Variants in WNK1 observed in about 807,000 individuals in gnomAD.
WNK1 encodes the protein WNK lysine deficient protein kinase 1, also known as serine/threonine-protein kinase WNK1.
In WNK1, 38 loss-of-function variants were observed where a neutral mutation model predicts 222.8. The ratio of observed to expected loss-of-function variants is 0.17; its 90% CI spans 0.13 to 0.22. The LOEUF (loss-of-function observed/expected upper bound fraction) is 0.22. Ranked by LOEUF, WNK1 falls within the 10% of genes least tolerant of loss-of-function variation. The pLI is 1.00. For synonymous variants in WNK1, 1,090 were observed against 1,092.9 expected (o/e 1.00, Z 0.05); for missense variants, 2,348 against 2,918.4 (o/e 0.80, Z 4.50).
chr12:847,656 A>C (rs1470743416), intron 4 of WNK1, among the ~76,000 whole-genome samples: 1 of 152,044 alleles, frequency 6.6e-6, no homozygotes, highest in Non-Finnish European at 1.5e-5. Context: ...TTTACCATTG[A>C]TTCGGCCCGT....
At chr12:776,733 A>C (rs1238105495) in intron 1 of WNK1, among the ~76,000 whole-genome samples, 1 of 152,072 alleles carries the variant, frequency 6.6e-6, no homozygotes, top group African/African-American at 2.4e-5. Context: ...CCTGGCCCAG[A>C]TCTTAATGTG....
chr12:767,551 G>A (rs937964263), intron 1 of WNK1, among the ~76,000 whole-genome samples: 1 of 151,834 alleles, frequency 6.6e-6, no homozygotes, highest in Admixed American at 6.6e-5. Context: ...ACGCCTGGCC[G>A]GGTTGATAGG....
chr12:830,231 A>G, intron 4 of WNK1, 71 bp downstream of exon 4: 1 of 1,546,926 alleles, frequency 6.5e-7, no homozygotes, highest in South Asian at 1.1e-5. Context: ...GGATGACATC[A>G]AACCATGTAA....
chr12:883,142 A>G (rs1166385774), intron 15 of WNK1, 83 bp downstream of exon 15: 1 of 1,100,718 alleles, frequency 9.1e-7, no homozygotes, highest in Non-Finnish European at 1.4e-6. Context: ...GCCATATTTT[A>G]TAATCCATGT....
intron 4 of WNK1, among the ~76,000 whole-genome samples, chr12:845,263 G>T (rs1309109164): frequency 2.0e-5 from 3 of 152,118 alleles, no homozygotes; most frequent in Non-Finnish European, 4.4e-5. Context: ...TTTAAAATAT[G>T]TTAGTGTCTG....
intron 3 of WNK1, among the ~76,000 whole-genome samples, chr12:829,752 A>C (rs954137534): frequency 3.9e-5 from 6 of 152,240 alleles, no homozygotes; most frequent in Non-Finnish European, 7.3e-5. Flanking sequence ...CATTTTACAC[A>C]GTAAATCAAT....
chr12:904,114 G>C (rs1332878868), intron 26 of WNK1, among the ~76,000 whole-genome samples: 3 of 152,250 alleles, frequency 2.0e-5, no homozygotes, highest in East Asian at 1.9e-4. Flanking sequence ...ACGCTGCTTG[G>C]GTATTTGAAA....
rs1006956925 is a variant in WNK1, at chr12:845,056, C to T, written c.1312-12105C>T. Reference sequence around the variant, plus strand: ...GACTACAGGCGCCCGCCACTACGCCCGGCTAATTTTTTGTATTTTTAGTAG... The same window carrying T: ...GACTACAGGCGCCCGCCACTACGCCTGGCTAATTTTTTGTATTTTTAGTAG... On this transcript the variant is annotated intron_variant, in intron 4 of 27. Coordinates refer to ENST00000315939, the MANE Select transcript of WNK1 (RefSeq NM_018979.4). Among the ~76,000 whole-genome samples the T allele has an allele frequency of 2.7e-5, 4 of 150,942 alleles. No individual in the cohort carries two copies. The East Asian group carries it at 7.8e-4, about 29-fold the overall frequency.
At chr12:899,787 A>T (rs1394609459) in intron 25 of WNK1, among the ~76,000 whole-genome samples, 1 of 152,140 alleles carries the variant, frequency 6.6e-6, no homozygotes, top group Non-Finnish European at 1.5e-5. Context: ...ATGCACGTTT[A>T]TAGGAAAGTC....
At chr12:822,373 G>A (rs147575262) in intron 2 of WNK1, among the ~76,000 whole-genome samples, 3 of 152,224 alleles carry the variant, frequency 2.0e-5, no homozygotes, top group South Asian at 4.1e-4. Context: ...GATTACAGGC[G>A]TAAGCCACCG....
chr12:765,586 T>TAAC (rs1941593488), intron 1 of WNK1, among the ~76,000 whole-genome samples: 1 of 120,152 alleles, frequency 8.3e-6, no homozygotes. Context: ...GAAAATTCTT[T>TAAC]TGGAATGTGC....
At chr12:856,272 A>AC (rs1950783456) in intron 4 of WNK1, among the ~76,000 whole-genome samples, 2 of 150,534 alleles carry the variant, frequency 1.3e-5, no homozygotes. Context: ...ACATGGAGAA[A>AC]CCCCCATCCC....
intron 1 of WNK1, among the ~76,000 whole-genome samples, chr12:790,301 G>A (rs981443915): frequency 2.6e-5 from 4 of 152,108 alleles, no homozygotes; most frequent in Admixed American, 6.6e-5. Context: ...ATGGGGTCTT[G>A]CTATGTTGAC....
chr12:851,733 T>A lies in WNK1; in HGVS notation c.1312-5428T>A, dbSNP rs573538978. 3 of 1,346,188 alleles carry A rather than the reference T, an allele frequency of 2.2e-6. No individual in the cohort carries two copies. In the East Asian group the frequency reaches 1.4e-4, roughly 61 times the overall value. 83.4% of individuals were successfully genotyped at this position (1,346,188 alleles called of 1,614,324 possible). On this transcript the variant is annotated intron_variant, in intron 4 of 27. Coordinates refer to ENST00000315939, the MANE Select transcript of WNK1 (RefSeq NM_018979.4). ...AAAGATTTTTGCTCAGTATTTGTCA[T>A]CATAAATTCTCATTGCTGCTGCTGC...
rs267603708 is a variant in WNK1 at position 883,564 on chromosome 12, C to T, written c.3659C>T (p.Ser1220Phe). 1.4e-4 allele frequency: 233 copies of T among 1,613,994 alleles called. No individual in the cohort carries two copies. The highest frequency in any genetic ancestry group is 1.9e-4 in the Non-Finnish European group (226 of 1,180,006). The part of the protein sequence containing the change: ...QGKDDYGFSG[S>F]QKLEGEFKQP... Reference sequence around the variant, plus strand: ...AAGGATGACTATGGCTTTTCAGGTTCTCAGGTAGGTTCACCACTCCCATAG... The same window carrying T: ...AAGGATGACTATGGCTTTTCAGGTTTTCAGGTAGGTTCACCACTCCCATAG... The change falls in exon 16 of 28, where the codon TCT (serine) becomes TTT (phenylalanine). Residue 1220 changes from serine (S) to phenylalanine (F), a missense_variant. Ser to Phe is a radical substitution (Grantham distance 155). Coordinates refer to ENST00000315939, the MANE Select transcript of WNK1 (RefSeq NM_018979.4).
chr12:830,229 T>G (rs1948683994), intron 4 of WNK1, 69 bp downstream of exon 4: 1 of 1,553,686 alleles, frequency 6.4e-7, no homozygotes, highest in East Asian at 2.3e-5. Flanking sequence ...GTGGATGACA[T>G]CAAACCATGT....
At position 828,385 on chromosome 12, in the gene WNK1, T is replaced by A. The variant is rs186231580; in HGVS notation, c.1153+1123T>A. Among the ~76,000 whole-genome samples, 3 of 152,288 alleles carry A rather than the reference T, an allele frequency of 2.0e-5. No individual in the cohort carries two copies. The East Asian group carries it at 5.8e-4, about 29-fold the overall frequency. On this transcript the variant is annotated intron_variant, in intron 3 of 27. Transcript: ENST00000315939. ...GACAATTCATTCTGAAAAGTTGGTT[T>A]TATCAACTTTTTTCTTAGTCTCACT...
At chr12:763,422 A>G (rs1941287875) in intron 1 of WNK1, among the ~76,000 whole-genome samples, 1 of 145,772 alleles carries the variant, frequency 6.9e-6, no homozygotes, top group African/African-American at 2.5e-5. Context: ...TGTCTCTACT[A>G]AAAATACAAA....
intron 8 of WNK1, chr12:865,461 T>A: frequency 2.1e-6 from 3 of 1,417,582 alleles, no homozygotes; most frequent in Non-Finnish European, 2.8e-6. Flanking sequence ...AGAACAGGAC[T>A]AAACTTGGTT....
Sources: allele counts gnomAD v4.1 joint callset (sites outside exome capture counted in the v4.1 genomes callset), GRCh38; gene constraint gnomAD v4.1.1; transcripts MANE v1.5; gene names NCBI Gene and HGNC (gene_info 2026-07-23, HGNC 2026-07-21).